Variants in GHRHR observed in about 807,000 individuals in gnomAD.
The protein encoded by GHRHR is growth hormone-releasing hormone receptor.
Under a neutral mutation model 58.3 loss-of-function variants are expected in GHRHR, and 40 were observed. The observed-to-expected ratio is 0.69, with a 90% CI of 0.53 to 0.89. The LOEUF (loss-of-function observed/expected upper bound fraction) is 0.89. Ranked by LOEUF, GHRHR falls within the 40% of genes least tolerant of loss-of-function variation. The pLI, the probability that GHRHR is intolerant of heterozygous loss-of-function variation, is 0.00. For synonymous variants in GHRHR, 249 were observed against 216.6 expected (o/e 1.15, Z -1.31); for missense variants, 551 against 541.3 (o/e 1.02, Z -0.18).
rs993964635 is a variant in GHRHR, at chr7:30,974,062, C to G, written c.675C>G (p.Val225=). The change falls in exon 7 of 13, where the codon GTC becomes GTG. Residue 225 remains valine (V), a synonymous_variant. Coordinates refer to ENST00000326139, the MANE Select transcript of GHRHR (RefSeq NM_000823.4). ...TCAGCTGGCTGTTGGCAGAAGCCGT[C>G]TACCTGAACTGCCTCCTGGCCTCCA... The part of the protein sequence containing the change: ...TNFSWLLAEA[V]YLNCLLASTS... 3 of 1,613,992 alleles carry G rather than the reference C, an allele frequency of 1.9e-6. No individual in the cohort carries two copies. Among genetic ancestry groups the G allele is most frequent in the Non-Finnish European group, 2.5e-6 (3 of 1,179,956 alleles).
chr7:30,967,685 TCTGCCTTCCTGCCTTC>T (rs72437876), intron 1 of GHRHR, among the ~76,000 whole-genome samples: 1 of 152,040 alleles, frequency 6.6e-6, no homozygotes, highest in Non-Finnish European at 1.5e-5. Flanking sequence ...TTCCTTCTTT[TCTGCCTTCCTGCCTTC>T]CTGCCTTCCT....
chr7:30,965,571 C>G (rs998085615), intron 1 of GHRHR, among the ~76,000 whole-genome samples: 5 of 152,230 alleles, frequency 3.3e-5, no homozygotes, highest in Non-Finnish European at 7.3e-5. Context: ...CCCACACATC[C>G]TGAGTCATTA....
At position 30,971,155 on chromosome 7, in the gene GHRHR, G is replaced by A. The variant is rs201267804; in HGVS notation, c.403G>A (p.Val135Met). Residue 135 changes from valine to methionine, a missense_variant, in exon 5 of 13, where the codon GTG becomes ATG. Val to Met is a conservative substitution (Grantham distance 21). Transcript: ENST00000326139. ...CTCCACAGTGAAGATTATCTACACC[G>A]TGGGCCATAGCATCTCTATTGTAGC... ...YFSTVKIIYT[V>M]GHSISIVALF... is the part of the protein sequence containing the mutation. 3.5e-5 allele frequency: 54 copies of A among 1,526,458 alleles called. 1 individual carries two copies. In the Middle Eastern group the frequency reaches 6.7e-4, roughly 19 times the overall value. 94.6% of individuals were successfully genotyped at this position (1,526,458 alleles called of 1,614,324 possible).
At chr7:30,968,109 C>G (rs1001090446) in intron 1 of GHRHR, among the ~76,000 whole-genome samples, 1 of 152,102 alleles carries the variant, frequency 6.6e-6, no homozygotes, top group East Asian at 1.9e-4. Flanking sequence ...AGGAGCCTTG[C>G]GATTACATCA....
chr7:30,972,140 A>C, intron 6 of GHRHR, 45 bp downstream of exon 6: 2 of 1,607,698 alleles, frequency 1.2e-6, no homozygotes, highest in Non-Finnish European at 1.7e-6. Context: ...GGGAGAGAGG[A>C]GGTAGGATTA....
chr7:30,976,047 G>A lies in GHRHR; in HGVS notation c.974+179G>A, dbSNP rs556340696. The stretch of plus-strand genomic sequence containing the variant: ...GGGGATCACAATATTGGAAGGATGA[G>A]GACTCCAAACAGCCAGCTCCCATGC... On this transcript the variant is annotated intron_variant, in intron 10 of 12. Coordinates refer to ENST00000326139, the MANE Select transcript of GHRHR (RefSeq NM_000823.4). The A allele has an allele frequency of 5.4e-5, 34 of 632,256 alleles. No homozygotes were observed. In the East Asian group the frequency reaches 8.1e-4, roughly 15 times the overall value. The allele number at this position is 632,256 out of a possible 1,614,324, so 39.2% of individuals were successfully genotyped here. A position where few individuals can be genotyped will look rare whatever the true frequency, so the allele number is the denominator to read the frequency against.
chr7:30,970,509 A>C (rs1792460767), intron 4 of GHRHR, among the ~76,000 whole-genome samples: 1 of 152,218 alleles, frequency 6.6e-6, no homozygotes, highest in Non-Finnish European at 1.5e-5. Flanking sequence ...GTAAAGCATG[A>C]CTGTAACCAT....
chr7:30,965,422 TGG>T (rs3216471), intron 1 of GHRHR, among the ~76,000 whole-genome samples: 82,709 of 151,804 alleles, frequency 0.54, 26,006 homozygotes, highest in African/African-American at 0.88. Context: ...ACGATGTGTG[TGG>T]GGGGGTGACT....
At chr7:30,971,542 T>A (rs751711826) in intron 5 of GHRHR, among the ~76,000 whole-genome samples, 2 of 152,038 alleles carry the variant, frequency 1.3e-5, no homozygotes, top group Non-Finnish European at 2.9e-5. Flanking sequence ...CCCTCTTGAC[T>A]GTTATAACTC....
rs188345357 is a variant in GHRHR at position 30,970,363 on chromosome 7, G to A, written c.366+399G>A. 8.4e-3 allele frequency among the ~76,000 whole-genome samples: 1,276 copies of A among 152,286 alleles called. 9 individuals are homozygous for A. Among genetic ancestry groups the A allele is most frequent in the Non-Finnish European group, 0.014 (942 of 68,024 alleles). Reference sequence around the variant, plus strand: ...ATGGTTGCGATGTGGGCAAGTGAGGGAAACTCAAGCCCAGGGTGATTGCAG... The same window carrying A: ...ATGGTTGCGATGTGGGCAAGTGAGGAAAACTCAAGCCCAGGGTGATTGCAG... On this transcript the variant is annotated intron_variant, in intron 4 of 12. Transcript: ENST00000326139.
intron 1 of GHRHR, among the ~76,000 whole-genome samples, chr7:30,967,162 C>T (rs955691030): frequency 6.6e-6 from 1 of 152,216 alleles, no homozygotes; most frequent in Non-Finnish European, 1.5e-5. Context: ...TCTGTTTGGG[C>T]TCTGGCCTGC....
chr7:30,973,569 T>C (rs1038509374), intron 6 of GHRHR, among the ~76,000 whole-genome samples: 7 of 152,092 alleles, frequency 4.6e-5, no homozygotes, highest in African/African-American at 1.7e-4. Context: ...TGTGTGTTTT[T>C]TGCAAGACAG....
intron 1 of GHRHR, among the ~76,000 whole-genome samples, chr7:30,964,943 GCTGCCCCTCCCGAGCAC>G (rs1203943669): frequency 6.6e-6 from 1 of 152,154 alleles, no homozygotes; most frequent in Non-Finnish European, 1.5e-5. Flanking sequence ...ATTGGAGGGT[GCTGCCCCTCCCGAGCAC>G]CTTGCTGCAC....
In GHRHR at chr7:30,972,105, A is replaced by G; in HGVS notation, c.597+10A>G. Reference sequence around the variant, plus strand: ...CTGCAGCTTCTCCACTGTAATGGCCATGGGTGAAGGGGCTGGGCAGGTGGG... The same window carrying G: ...CTGCAGCTTCTCCACTGTAATGGCCGTGGGTGAAGGGGCTGGGCAGGTGGG... On this transcript the variant is annotated intron_variant, in intron 6 of 12. Transcript: ENST00000326139. 2 of 1,613,796 alleles carry G rather than the reference A, an allele frequency of 1.2e-6. No individual in the cohort carries two copies. The highest frequency in any genetic ancestry group is 8.5e-7 in the Non-Finnish European group (1 of 1,179,944).
chr7:30,976,720 G>C (rs527435864), intron 11 of GHRHR, among the ~76,000 whole-genome samples, 162 bp downstream of exon 11: 6 of 152,042 alleles, frequency 3.9e-5, no homozygotes, highest in African/African-American at 1.4e-4. Flanking sequence ...ACCCATCTAC[G>C]TATTCAACTA....
intron 6 of GHRHR, 74 bp from the exon 7 acceptor site, chr7:30,973,911 A>T: frequency 6.9e-7 from 1 of 1,457,276 alleles, no homozygotes; most frequent in Non-Finnish European, 9.6e-7. Context: ...TCTGTATCTG[A>T]GTAGGGTAGA....
rs116055122 is a variant in GHRHR at position 30,973,793 on chromosome 7, T to C, written c.598-192T>C. Among the ~76,000 whole-genome samples, 270 of 152,292 alleles carry C rather than the reference T, an allele frequency of 1.8e-3. 1 individual carries two copies. The highest frequency in any genetic ancestry group is 6.3e-3 in the African/African-American group (260 of 41,548). On this transcript the variant is annotated intron_variant, in intron 6 of 12. Transcript: ENST00000326139. Reference sequence around the variant, plus strand: ...AGATAGTAAATTAGAAGCCAGGCTGTCTAGATACCAAATCTGTGCTCTTAA... The same window carrying C: ...AGATAGTAAATTAGAAGCCAGGCTGCCTAGATACCAAATCTGTGCTCTTAA...
rs73307743 is a variant in GHRHR at position 30,976,082 on chromosome 7, C to G, written c.974+214C>G. ...CAGCCAGCTCCCATGCCAAATAGAACGATGAGTGCTGGGATCAATTTCTAT... is the reference window on the plus strand; with the variant it reads ...CAGCCAGCTCCCATGCCAAATAGAAGGATGAGTGCTGGGATCAATTTCTAT... On this transcript the variant is annotated intron_variant, in intron 10 of 12. Coordinates refer to ENST00000326139, the MANE Select transcript of GHRHR (RefSeq NM_000823.4). 0.011 allele frequency: 6,641 copies of G among 598,304 alleles called. 346 individuals carry two copies. Among genetic ancestry groups the G allele is most frequent in the African/African-American group, 0.11 (5,917 of 53,850 alleles). 37.1% of individuals were successfully genotyped at this position (598,304 alleles called of 1,614,324 possible).
chr7:30,977,158 T>G, intron 11 of GHRHR, 123 bp from the exon 12 acceptor site: 2 of 886,856 alleles, frequency 2.3e-6, no homozygotes, highest in Admixed American at 3.5e-5. Flanking sequence ...AATTCCCCTT[T>G]CAATCAAACC....
Sources: allele counts gnomAD v4.1 joint callset (sites outside exome capture counted in the v4.1 genomes callset), GRCh38; gene constraint gnomAD v4.1.1; transcripts MANE v1.5; gene names NCBI Gene and HGNC (gene_info 2026-07-23, HGNC 2026-07-21).